The following MATN2 variants were observed in gnomAD, a reference collection of about 807,000 sequenced individuals.
The protein encoded by MATN2 is matrilin 2.
MATN2 carries 69 observed loss-of-function variants against 103.2 expected under a neutral mutation model. The observed-to-expected ratio is 0.67, with a 90% confidence interval of 0.55 to 0.82. The LOEUF is 0.82. Among genes scored for constraint, MATN2 ranks in the 40% least tolerant of loss-of-function variants. MATN2 has a pLI of 0.00. For missense variants in MATN2, 1,023 were observed against 1,211.5 expected, an observed-to-expected ratio of 0.84 and a Z score of 2.31; for synonymous variants, 429 against 450.2, an observed-to-expected ratio of 0.95 and a Z score of 0.60.
chr8:98,025,749 AAAG>A (rs761371205), intron 13 of MATN2: 34 of 444,930 alleles, frequency 7.6e-5, no homozygotes, highest in Admixed American at 3.4e-4. Context: ...CTGTCTCAAA[AAAG>A]AAGAAGAAAT....
At chr8:97,909,652 G>T (rs1563660387) in intron 2 of MATN2, among the ~76,000 whole-genome samples, 1 of 152,210 alleles carries the variant, frequency 6.6e-6, no homozygotes, top group Non-Finnish European at 1.5e-5. Flanking sequence ...GGCTCTTGCC[G>T]AGTGAGTGAG....
At chr8:98,016,391 A>T (rs1232702636) in intron 10 of MATN2, 149 bp from the exon 11 acceptor site, 4 of 694,742 alleles carry the variant, frequency 5.8e-6, no homozygotes. Context: ...ATTTTTGCTC[A>T]TAGACATGCT....
intron 6 of MATN2, among the ~76,000 whole-genome samples, chr8:97,993,576 A>G (rs912753972): frequency 1.3e-5 from 2 of 152,242 alleles, no homozygotes; most frequent in African/African-American, 4.8e-5. Flanking sequence ...ACTTTTAAAA[A>G]AATATTTTGG....
chr8:97,981,184 TAA>T (rs34391429), intron 6 of MATN2, among the ~76,000 whole-genome samples: 89 of 142,942 alleles, frequency 6.2e-4, no homozygotes, highest in Non-Finnish European at 5.6e-4. Context: ...GACCTTGTCT[TAA>T]AAAAAAAAAA....
At chr8:97,986,796 T>C (rs1812208890) in intron 6 of MATN2, among the ~76,000 whole-genome samples, 1 of 152,214 alleles carries the variant, frequency 6.6e-6, no homozygotes, top group Admixed American at 6.5e-5. Flanking sequence ...GGGTAGATAC[T>C]CAGTAGTGGG....
intron 6 of MATN2, among the ~76,000 whole-genome samples, chr8:97,991,068 T>C (rs969335315): frequency 6.6e-6 from 1 of 152,188 alleles, no homozygotes; most frequent in Non-Finnish European, 1.5e-5. Flanking sequence ...CCAAAATTTC[T>C]ATGTCATAAA....
At chr8:97,895,418 C>T (rs576721582) in intron 2 of MATN2, among the ~76,000 whole-genome samples, 46 of 152,300 alleles carry the variant, frequency 3.0e-4, no homozygotes, top group African/African-American at 1.1e-3. Flanking sequence ...CCATTCTCTT[C>T]CTTCTACCTG....
At chr8:97,935,116 G>T (rs190123634) in intron 3 of MATN2, among the ~76,000 whole-genome samples, 121 of 151,996 alleles carry the variant, frequency 8.0e-4, no homozygotes, top group African/African-American at 2.7e-3. Flanking sequence ...AAGAGATAAG[G>T]TCTCACTATG....
In MATN2 at chr8:97,878,212, A is replaced by G. The variant is rs1818138842; in HGVS notation, c.-27+8925A>G. Among the ~76,000 whole-genome samples the G allele has an allele frequency of 3.3e-5, 5 of 152,162 alleles. No individual in the cohort carries two copies. In the South Asian group the frequency reaches 1.0e-3, roughly 31 times the overall value. On this transcript the variant is annotated intron_variant, in intron 1 of 18. Transcript: ENST00000254898. ...ATTATAAGTAGATACTTGATATTTC[A>G]TCTATATCCTTTAAAATATTCAAGC...
intron 1 of MATN2, among the ~76,000 whole-genome samples, chr8:97,878,428 G>A (rs1818149909): frequency 6.6e-6 from 1 of 151,938 alleles, no homozygotes; most frequent in Admixed American, 6.6e-5. Flanking sequence ...GGGTACTGGT[G>A]TAGTCTCAGT....
intron 5 of MATN2, among the ~76,000 whole-genome samples, chr8:97,962,756 G>A (rs1183926666): frequency 6.6e-6 from 1 of 152,172 alleles, no homozygotes; most frequent in Admixed American, 6.5e-5. Flanking sequence ...CCCGTTCATA[G>A]AGAAACTTAA....
intron 14 of MATN2, among the ~76,000 whole-genome samples, chr8:98,028,435 A>T (rs1427301318): frequency 1.3e-5 from 2 of 152,140 alleles, no homozygotes; most frequent in Non-Finnish European, 2.9e-5. Flanking sequence ...GGGTTACTTC[A>T]GTTGTACAGA....
rs141312644 is a variant in MATN2, at chr8:98,000,109, G to T, written c.1205-3552G>T. Among the ~76,000 whole-genome samples, 553 of 151,400 alleles carry T rather than the reference G, an allele frequency of 3.7e-3. 4 individuals carry two copies. The highest frequency in any genetic ancestry group is 0.013 in the African/African-American group (518 of 41,298). ...TTGGCCAGGCTGGTCTTGAACTCCT[G>T]ACCTCAAGTGATCCATCCGCCTCAG... On this transcript the variant is annotated intron_variant, in intron 7 of 18. Coordinates refer to ENST00000254898, the MANE Select transcript of MATN2 (RefSeq NM_002380.5).
chr8:97,891,175 T>C (rs1021358835), intron 2 of MATN2, among the ~76,000 whole-genome samples: 6 of 152,088 alleles, frequency 3.9e-5, no homozygotes, highest in African/African-American at 1.4e-4. Context: ...GAGACAGGCA[T>C]GTGAAAAGAT....
intron 10 of MATN2, among the ~76,000 whole-genome samples, chr8:98,014,219 G>A (rs1437211678): frequency 1.3e-5 from 2 of 152,182 alleles, no homozygotes; most frequent in Non-Finnish European, 2.9e-5. Context: ...GCTTGACAAG[G>A]TTGACGTGAA....
intron 2 of MATN2, among the ~76,000 whole-genome samples, chr8:97,906,204 T>G (rs1033084576): frequency 6.6e-6 from 1 of 152,238 alleles, no homozygotes; most frequent in East Asian, 1.9e-4. Flanking sequence ...ACTTGTTATT[T>G]TCATTAAAAA....
intron 3 of MATN2, among the ~76,000 whole-genome samples, chr8:97,934,487 C>T (rs997758116): frequency 2.0e-5 from 3 of 152,228 alleles, no homozygotes; most frequent in African/African-American, 4.8e-5. Flanking sequence ...CAGATGACAT[C>T]TCTGAGGTTT....
intron 2 of MATN2, among the ~76,000 whole-genome samples, chr8:97,917,893 T>C (rs1586412617): frequency 6.6e-6 from 1 of 152,132 alleles, no homozygotes; most frequent in Non-Finnish European, 1.5e-5. Context: ...GAGACCAGCC[T>C]GGGCAACATG....
chr8:97,899,052 C>G (rs182088217), intron 2 of MATN2, among the ~76,000 whole-genome samples: 1 of 152,040 alleles, frequency 6.6e-6, no homozygotes, highest in Admixed American at 6.6e-5. Context: ...CACCACACCC[C>G]GCCTTCTTGA....
Sources: allele counts gnomAD v4.1 joint callset (sites outside exome capture counted in the v4.1 genomes callset), GRCh38; gene constraint gnomAD v4.1.1; transcripts MANE v1.5; gene names NCBI Gene and HGNC (gene_info 2026-07-23, HGNC 2026-07-21).